Variants in CDK14 observed in about 807,000 individuals in gnomAD.
The protein encoded by CDK14 is cyclin dependent kinase 14, also known as cyclin-dependent kinase 14.
CDK14 carries 34 observed loss-of-function variants against 60.7 expected under a neutral mutation model. The observed-to-expected ratio is 0.56, with a 90% CI of 0.43 to 0.75. The LOEUF is 0.75. Among genes scored for constraint, CDK14 ranks in the 30% least tolerant of loss-of-function variants. The pLI, the probability that CDK14 is intolerant of heterozygous loss-of-function variation, is 0.00. For missense variants in CDK14, 482 were observed against 564.1 expected, an observed-to-expected ratio of 0.85 and a Z score of 1.47; for synonymous variants, 197 against 203.7, an observed-to-expected ratio of 0.97 and a Z score of 0.28.
chr7:90,951,927 C>T (rs1215819994), intron 8 of CDK14, among the ~76,000 whole-genome samples: 3 of 152,098 alleles, frequency 2.0e-5, no homozygotes, highest in Non-Finnish European at 4.4e-5. Context: ...TGGGAGAAAT[C>T]ATCTATGGAT....
At chr7:90,952,322 A>G (rs1794287344) in intron 8 of CDK14, among the ~76,000 whole-genome samples, 1 of 152,190 alleles carries the variant, frequency 6.6e-6, no homozygotes, top group African/African-American at 2.4e-5. Context: ...GATATTATCT[A>G]TAAGATAACC....
intron 2 of CDK14, among the ~76,000 whole-genome samples, chr7:90,638,536 T>C (rs12534842): frequency 0.3 from 45,509 of 151,986 alleles, 7,773 homozygotes; most frequent in East Asian, 0.65. Context: ...GTGGGTAACC[T>C]GACCTTTGTC....
At chr7:90,730,456 A>AT (rs1258988193) in intron 3 of CDK14, among the ~76,000 whole-genome samples, 1 of 152,128 alleles carries the variant, frequency 6.6e-6, no homozygotes, top group Non-Finnish European at 1.5e-5. Flanking sequence ...GATTGAACTA[A>AT]TTTACACTCC....
intron 5 of CDK14, among the ~76,000 whole-genome samples, chr7:90,846,808 C>T (rs1790484640): frequency 1.3e-5 from 2 of 152,114 alleles, no homozygotes; most frequent in African/African-American, 4.8e-5. Context: ...TGGCCCCCAG[C>T]ATCCTAATGT....
At chr7:90,749,527 T>G (rs1803734057) in intron 4 of CDK14, among the ~76,000 whole-genome samples, 1 of 144,536 alleles carries the variant, frequency 6.9e-6, no homozygotes. Context: ...GCTAGGCCTC[T>G]GCTCCACACC....
chr7:90,878,733 A>C (rs1291552770), intron 6 of CDK14, among the ~76,000 whole-genome samples: 1 of 152,226 alleles, frequency 6.6e-6, no homozygotes, highest in African/African-American at 2.4e-5. Flanking sequence ...GGAAAAAGTT[A>C]GTGTAGTATA....
intron 8 of CDK14, among the ~76,000 whole-genome samples, chr7:90,938,475 G>T (rs746529517): frequency 1.3e-5 from 2 of 152,122 alleles, no homozygotes. Flanking sequence ...ACTTTTGGGG[G>T]GTTAAAACTT....
intron 2 of CDK14, among the ~76,000 whole-genome samples, chr7:90,650,641 G>A (rs372750336): frequency 2.6e-5 from 4 of 152,270 alleles, no homozygotes; most frequent in African/African-American, 7.2e-5. Flanking sequence ...TGTGTAAGGT[G>A]TAAGGAAGGG....
intron 5 of CDK14, among the ~76,000 whole-genome samples, chr7:90,818,525 T>C (rs1006649046): frequency 3.3e-5 from 5 of 152,196 alleles, no homozygotes; most frequent in African/African-American, 1.2e-4. Context: ...TGGATACTTC[T>C]TATATTCCCA....
chr7:90,843,710 G>A (rs1790374611), intron 5 of CDK14, among the ~76,000 whole-genome samples: 1 of 152,124 alleles, frequency 6.6e-6, no homozygotes, highest in Admixed American at 6.6e-5. Context: ...GCCAGGAGCA[G>A]TGTCTTGGGA....
At chr7:90,958,766 T>G (rs1794509251) in intron 9 of CDK14, among the ~76,000 whole-genome samples, 1 of 152,152 alleles carries the variant, frequency 6.6e-6, no homozygotes, top group South Asian at 2.1e-4. Flanking sequence ...AGTATGGAAA[T>G]TCTAGGTTGT....
intron 14 of CDK14, among the ~76,000 whole-genome samples, chr7:91,193,296 A>G (rs1386611474): frequency 6.6e-6 from 1 of 152,170 alleles, no homozygotes; most frequent in Admixed American, 6.5e-5. Context: ...AAATTGTATG[A>G]AAAAAATCTG....
chr7:91,092,759 C>G (rs758261750), intron 12 of CDK14, among the ~76,000 whole-genome samples: 1 of 152,114 alleles, frequency 6.6e-6, no homozygotes, highest in African/African-American at 2.4e-5. Context: ...AAGGAGAACA[C>G]GAGGTACCAC....
chr7:91,089,580 A>AAC (rs1554424720), intron 12 of CDK14, among the ~76,000 whole-genome samples: 31 of 152,008 alleles, frequency 2.0e-4, no homozygotes, highest in African/African-American at 7.5e-4. Context: ...GAAAAAAAAA[A>AAC]AAAAACAGGC....
At chr7:90,974,817 T>G (rs971292969) in intron 9 of CDK14, among the ~76,000 whole-genome samples, 2 of 152,136 alleles carry the variant, frequency 1.3e-5, no homozygotes, top group South Asian at 4.1e-4. Context: ...AGTTGAAAGA[T>G]AGAAAGTTAT....
chr7:90,769,682 G>T (rs1469990449), intron 4 of CDK14, among the ~76,000 whole-genome samples: 1 of 152,102 alleles, frequency 6.6e-6, no homozygotes, highest in Non-Finnish European at 1.5e-5. Flanking sequence ...GGCCAGGCTG[G>T]TCTTGGACTC....
chr7:90,758,736 A>C (rs761411015), intron 4 of CDK14, among the ~76,000 whole-genome samples: 1 of 152,214 alleles, frequency 6.6e-6, no homozygotes, highest in African/African-American at 2.4e-5. Flanking sequence ...ATGTATCAAT[A>C]CTATATTCTA....
chr7:90,709,895 A>G (rs1584809295), intron 2 of CDK14: 3 of 1,274,078 alleles, frequency 2.4e-6, no homozygotes, highest in Non-Finnish European at 3.0e-6. Flanking sequence ...GTGCAAACAC[A>G]TTGCTAGAGA....
intron 14 of CDK14, among the ~76,000 whole-genome samples, chr7:91,181,157 T>C (rs1801988116): frequency 6.6e-6 from 1 of 152,240 alleles, no homozygotes; most frequent in African/African-American, 2.4e-5. Flanking sequence ...GATTGTTCTG[T>C]CAACAATGTT....
Sources: gnomAD v4.1 joint callset for allele counts (sites outside exome capture counted in the v4.1 genomes callset) on GRCh38, gnomAD v4.1.1 for gene constraint, MANE v1.5 for transcripts, NCBI Gene and HGNC (gene_info 2026-07-23, HGNC 2026-07-21) for gene names.